IREB2: variants seen among roughly 807,000 people sequenced by gnomAD.
The protein encoded by IREB2 is iron-responsive element-binding protein 2.
IREB2 carries 39 observed loss-of-function variants against 118.8 expected under a neutral mutation model. That is an observed-to-expected ratio of 0.33 (90% CI 0.25 to 0.43). IREB2 has a LOEUF of 0.43. Ranked by LOEUF, IREB2 falls within the 20% of genes least tolerant of loss-of-function variation. IREB2 has a pLI of 1.00. For missense variants in IREB2, 900 were observed against 1,147.3 expected, an observed-to-expected ratio of 0.78 and a Z score of 3.11; for synonymous variants, 372 against 392.2, an observed-to-expected ratio of 0.95 and a Z score of 0.61.
chr15:78,495,394 C>T (rs1307048096), intron 20 of IREB2, among the ~76,000 whole-genome samples: 1 of 152,062 alleles, frequency 6.6e-6, no homozygotes, highest in Non-Finnish European at 1.5e-5. Context: ...ATGCTTGGCC[C>T]TCCATTTGTT....
chr15:78,438,465 T>A (rs1194170131), intron 1 of IREB2, 109 bp downstream of exon 1: 1 of 1,277,480 alleles, frequency 7.8e-7, no homozygotes, highest in East Asian at 2.5e-5. Context: ...GCCCAGGCCC[T>A]CGGGGCTCGG....
In IREB2 at chr15:78,488,411, T is replaced by G. The variant is rs1264356573; in HGVS notation, c.1951+75T>G. 12 of 1,218,088 alleles carry G rather than the reference T, an allele frequency of 9.9e-6. No individual in the cohort carries two copies. The Admixed American group carries it at 1.3e-4, about 13-fold the overall frequency. 75.5% of individuals were successfully genotyped at this position (1,218,088 alleles called of 1,614,324 possible). The stretch of plus-strand genomic sequence containing the variant: ...GAAGTCGTTATATTTTTGAAATGTT[T>G]CTTAGACCATCTATTCTTTGAATTA... On this transcript the variant is annotated intron_variant, in intron 15 of 21. Coordinates refer to ENST00000258886, the MANE Select transcript of IREB2 (RefSeq NM_004136.4).
chr15:78,470,105 A>C (rs1332271743), intron 5 of IREB2, among the ~76,000 whole-genome samples: 1 of 152,208 alleles, frequency 6.6e-6, no homozygotes, highest in African/African-American at 2.4e-5. Context: ...AATGATGTTG[A>C]GATGTTGTTC....
In IREB2 at chr15:78,473,301, C is replaced by T; in HGVS notation, c.943C>T (p.Pro315Ser). The T allele has an allele frequency of 6.2e-7, 1 of 1,613,720 alleles. No individual in the cohort carries two copies. Among genetic ancestry groups the T allele is most frequent in the Non-Finnish European group, 8.5e-7 (1 of 1,179,650 alleles). ...TGGTCTGCCAGTTTCTCTTACTTTA[C>T]CAGAGGTGGTTGGATGTGAGTTAAC... Reference protein sequence around the residue: ...MLGLPVSLTLPEVVGCELTGS... With the variant: ...MLGLPVSLTLSEVVGCELTGS... Residue 315 changes from proline (P) to serine (S), a missense_variant, in exon 8 of 22, where the codon CCA becomes TCA. Physicochemically the swap from Pro to Ser is moderately conservative, Grantham distance 74. Coordinates refer to ENST00000258886, the MANE Select transcript of IREB2 (RefSeq NM_004136.4).
Position 78,497,223 on chromosome 15 carries a change from A to G in IREB2, c.2693A>G (p.Asn898Ser), listed in dbSNP as rs759840372. ...IAPLQFLPGE[N>S]ADSLGLSGRE... Reference sequence around the variant, plus strand: ...CCACTTCAGTTCCTTCCAGGAGAAAATGCAGATTCCTTGGGCCTCTCCGGT... The same window carrying G: ...CCACTTCAGTTCCTTCCAGGAGAAAGTGCAGATTCCTTGGGCCTCTCCGGT... Residue 898 changes from asparagine (N) to serine (S), a missense_variant, in exon 21 of 22, where the codon AAT becomes AGT. Physicochemically the swap from Asn to Ser is conservative, Grantham distance 46. Coordinates refer to ENST00000258886, the MANE Select transcript of IREB2 (RefSeq NM_004136.4). 17 of 1,613,756 alleles carry G rather than the reference A, an allele frequency of 1.1e-5. No homozygotes were observed. The East Asian group carries it at 3.6e-4, about 34-fold the overall frequency.
At chr15:78,492,155 G>A (rs1050901501) in intron 18 of IREB2, among the ~76,000 whole-genome samples, 2 of 152,142 alleles carry the variant, frequency 1.3e-5, no homozygotes, top group Non-Finnish European at 2.9e-5. Context: ...CCAAATCAGA[G>A]GCTGATAAAA....
intron 16 of IREB2, among the ~76,000 whole-genome samples, chr15:78,489,153 C>G (rs763287611): frequency 6.6e-6 from 1 of 150,540 alleles, no homozygotes; most frequent in African/African-American, 2.4e-5. Flanking sequence ...ACCTGGGAGG[C>G]GGAGGTTGCG....
chr15:78,438,412 C>T, intron 1 of IREB2, 56 bp downstream of exon 1: 1 of 1,564,914 alleles, frequency 6.4e-7, no homozygotes, highest in Non-Finnish European at 8.7e-7. Flanking sequence ...GCTGCCTAGG[C>T]GCCGAATTCC....
At chr15:78,444,765 A>G (rs1264846321) in intron 2 of IREB2, among the ~76,000 whole-genome samples, 1 of 151,926 alleles carries the variant, frequency 6.6e-6, no homozygotes, top group African/African-American at 2.4e-5. Flanking sequence ...CCTTTTTTTC[A>G]CTTAATATAT....
intron 6 of IREB2, 88 bp downstream of exon 6, chr15:78,470,689 C>CTTT (rs67871183): frequency 2.0e-3 from 428 of 209,558 alleles, no homozygotes; most frequent in Middle Eastern, 3.0e-3. Flanking sequence ...TTTTCTTTTC[C>CTTT]TTTTTTTTTT....
Position 78,484,832 on chromosome 15 carries a change from T to G in IREB2, c.1485T>G (p.Ser495Arg). The change falls in exon 12 of 22, where the codon AGT becomes AGG. Residue 495 changes from serine to arginine, a missense_variant. Transcript: ENST00000258886. ...TTGTCTCCATTCATTATGAAGGAAG[T>G]GAATATAAGCTGTCTCATGGATCAG... ...KDIVSIHYEG[S>R]EYKLSHGSVV... is the part of the protein sequence containing the mutation. The G allele has an allele frequency of 6.2e-7, 1 of 1,613,494 alleles. No individual in the cohort carries two copies. Among genetic ancestry groups the G allele is most frequent in the Non-Finnish European group, 8.5e-7 (1 of 1,179,500 alleles).
At chr15:78,437,703 T>C (rs376274893), upstream of IREB2, 1 of 152,750 alleles carries the variant, frequency 6.5e-6, no homozygotes, top group East Asian at 1.9e-4. Flanking sequence ...AAGTCGGCAA[T>C]CACGGAAGCT....
intron 3 of IREB2, among the ~76,000 whole-genome samples, chr15:78,463,469 G>A (rs951960050): frequency 4.0e-5 from 6 of 151,768 alleles, no homozygotes; most frequent in African/African-American, 1.5e-4. Context: ...TAAAAAATCA[G>A]ACTTCCTAAT....
chr15:78,440,234 C>T (rs1025891617), intron 2 of IREB2, among the ~76,000 whole-genome samples: 2 of 152,268 alleles, frequency 1.3e-5, no homozygotes, highest in African/African-American at 4.8e-5. Flanking sequence ...ATAATCCTCC[C>T]ACCTCTGCCT....
At chr15:78,478,211 G>T (rs1372558669) in intron 9 of IREB2, 86 bp from the exon 10 acceptor site, 1 of 880,166 alleles carries the variant, frequency 1.1e-6, no homozygotes, top group African/African-American at 1.7e-5. Flanking sequence ...TCCAGCCTGG[G>T]CAACAAAGTG....
intron 15 of IREB2, 87 bp from the exon 16 acceptor site, chr15:78,488,560 T>C (rs1252787513): frequency 7.6e-7 from 1 of 1,315,902 alleles, no homozygotes; most frequent in East Asian, 2.4e-5. Context: ...AATCATTTAC[T>C]TGATTTCCAT....
intron 2 of IREB2, among the ~76,000 whole-genome samples, chr15:78,455,513 C>T (rs1215836844): frequency 3.3e-5 from 5 of 151,304 alleles, no homozygotes; most frequent in East Asian, 1.9e-4. Context: ...GAGGATTGCT[C>T]GAGGCCAGAA....
intron 1 of IREB2, chr15:78,438,679 G>A (rs2141437241): frequency 4.5e-6 from 2 of 443,848 alleles, no homozygotes; most frequent in East Asian, 4.1e-5. Flanking sequence ...CCAGGGGCAG[G>A]GAGAGGCCCA....
At chr15:78,444,973 A>G (rs1449920571) in intron 2 of IREB2, among the ~76,000 whole-genome samples, 1 of 152,146 alleles carries the variant, frequency 6.6e-6, no homozygotes, top group Non-Finnish European at 1.5e-5. Context: ...GCTGATAGTA[A>G]CTTTTCTCTA....
Sources: allele counts gnomAD v4.1 joint callset (sites outside exome capture counted in the v4.1 genomes callset), GRCh38; gene constraint gnomAD v4.1.1; transcripts MANE v1.5; gene names NCBI Gene and HGNC (gene_info 2026-07-23, HGNC 2026-07-21).